Variants in GNAL observed in about 807,000 individuals in gnomAD.
GNAL encodes the protein G protein subunit alpha L.
In GNAL, 18 loss-of-function variants were observed where a neutral mutation model predicts 55.1. That is an observed-to-expected ratio of 0.33 (90% confidence interval 0.23 to 0.48). The LOEUF (loss-of-function observed/expected upper bound fraction) is 0.48. Among genes scored for constraint, GNAL ranks in the 20% least tolerant of loss-of-function variants. The pLI is 0.99. For synonymous variants in GNAL, 253 were observed against 237.0 expected (o/e 1.07, Z -0.62); for missense variants, 412 against 614.1 (o/e 0.67, Z 3.48).
chr18:11,788,926 T>TAC (rs2034150006), intron 4 of GNAL, among the ~76,000 whole-genome samples: 7 of 122,262 alleles, frequency 5.7e-5, no homozygotes, highest in Non-Finnish European at 9.9e-5. Flanking sequence ...TATATATATA[T>TAC]ATATATATAT....
chr18:11,802,286 A>G (rs1427846483), intron 4 of GNAL, among the ~76,000 whole-genome samples: 1 of 152,116 alleles, frequency 6.6e-6, no homozygotes, highest in Non-Finnish European at 1.5e-5. Context: ...GGAGTTCCTC[A>G]AGTCATGGAC....
At chr18:11,773,938 C>G (rs1371084147) in intron 4 of GNAL, among the ~76,000 whole-genome samples, 1 of 152,146 alleles carries the variant, frequency 6.6e-6, no homozygotes, top group Admixed American at 6.5e-5. Context: ...GTCTATGTAA[C>G]CTTGGTTGAG....
chr18:11,858,119 T>C (rs2036051294), intron 5 of GNAL, among the ~76,000 whole-genome samples: 1 of 152,196 alleles, frequency 6.6e-6, no homozygotes, highest in African/African-American at 2.4e-5. Flanking sequence ...TCCATGGCCA[T>C]AAGAATTCTT....
chr18:11,727,806 C>T (rs186794666), intron 1 of GNAL, among the ~76,000 whole-genome samples: 3 of 152,268 alleles, frequency 2.0e-5, no homozygotes, highest in East Asian at 3.9e-4. Context: ...AATTTTCATT[C>T]GTTTACAGAA....
At position 11,851,464 on chromosome 18, in the gene GNAL, T is replaced by G; in HGVS notation, c.723-10931T>G. ...CGGACTTACCTTACCTTCTCTGCCT[T>G]CGGCGCGCTTCTCAGCCGGGCCGCC... On this transcript the variant is annotated intron_variant, in intron 5 of 11. Coordinates refer to ENST00000334049, the MANE Select transcript of GNAL (RefSeq NM_182978.4). 6 of 1,482,120 alleles carry G rather than the reference T, an allele frequency of 4.0e-6. No individual in the cohort carries two copies. The South Asian group carries it at 7.0e-5, about 17-fold the overall frequency. The allele number at this position is 1,482,120 out of a possible 1,614,324, so 91.8% of individuals were successfully genotyped here.
chr18:11,801,288 C>T lies in GNAL; in HGVS notation c.625-23630C>T, dbSNP rs71350465. Reference sequence around the variant, plus strand: ...AGTGTGGGCTGGGCGCAGTGGCTCACGCCTGAAATAACAGCACTTTGGGAG... The same window carrying T: ...AGTGTGGGCTGGGCGCAGTGGCTCATGCCTGAAATAACAGCACTTTGGGAG... On this transcript the variant is annotated intron_variant, in intron 4 of 11. Coordinates refer to ENST00000334049, the MANE Select transcript of GNAL (RefSeq NM_182978.4). Among the ~76,000 whole-genome samples the T allele has an allele frequency of 7.4e-3, 1,134 of 152,276 alleles. 10 individuals are homozygous for T. Among genetic ancestry groups the T allele is most frequent in the Non-Finnish European group, 0.013 (870 of 68,026 alleles).
At chr18:11,769,015 C>A (rs1320684207) in intron 4 of GNAL, among the ~76,000 whole-genome samples, 15 of 77,506 alleles carry the variant, frequency 1.9e-4, no homozygotes, top group Admixed American at 6.5e-4. Flanking sequence ...TATATATATT[C>A]TATATTATAA....
intron 1 of GNAL, among the ~76,000 whole-genome samples, chr18:11,699,275 A>T (rs1413206477): frequency 6.6e-6 from 1 of 152,046 alleles, no homozygotes; most frequent in Non-Finnish European, 1.5e-5. Flanking sequence ...GCTCACTGCA[A>T]CTTCCACCTC....
chr18:11,724,754 C>A (rs1308015173), intron 1 of GNAL, among the ~76,000 whole-genome samples: 1 of 152,180 alleles, frequency 6.6e-6, no homozygotes, highest in East Asian at 1.9e-4. Context: ...TAGTGTCAAC[C>A]CCCAGCACAG....
intron 4 of GNAL, among the ~76,000 whole-genome samples, chr18:11,772,218 A>G (rs1281128108): frequency 6.6e-6 from 1 of 152,256 alleles, no homozygotes; most frequent in Non-Finnish European, 1.5e-5. Context: ...AGGACAGATA[A>G]TAGAAAAGAG....
rs557930280 is a variant in GNAL at position 11,873,070 on chromosome 18, G to A, written c.1162+672G>A. Among the ~76,000 whole-genome samples the A allele has an allele frequency of 5.9e-5, 9 of 152,310 alleles. No homozygotes were observed. The South Asian group carries it at 6.2e-4, about 11-fold the overall frequency. On this transcript the variant is annotated intron_variant, in intron 10 of 11. Coordinates refer to ENST00000334049, the MANE Select transcript of GNAL (RefSeq NM_182978.4). ...TAGACCAGGAAGAGTTGGTCACTCC[G>A]TTTCCAGTCGCTTACACTTCAGTTT...
chr18:11,752,672 G>T lies in GNAL; in HGVS notation c.377-181G>T. The stretch of plus-strand genomic sequence containing the variant: ...GGCTGGGCGGGCAGGGCCGGGCGAG[G>T]GTCGCGCGCACCTCTGGGCCGCGGA... On this transcript the variant is annotated intron_variant, in intron 1 of 11. Coordinates refer to ENST00000334049, the MANE Select transcript of GNAL (RefSeq NM_182978.4). This position sits in a 1 kb window ranked among gnomAD's most constrained non-coding sequence, Gnocchi z 4.5. 1 of 1,301,512 alleles carries T rather than the reference G, an allele frequency of 7.7e-7. No homozygotes were observed. Among genetic ancestry groups the T allele is most frequent in the South Asian group, 1.8e-5 (1 of 54,816 alleles). The allele number at this position is 1,301,512 out of a possible 1,614,324, so 80.6% of individuals were successfully genotyped here. A position where few individuals can be genotyped will look rare whatever the true frequency, so the allele number is the denominator to read the frequency against.
chr18:11,828,161 G>T (rs2143669434), intron 5 of GNAL, among the ~76,000 whole-genome samples: 1 of 152,274 alleles, frequency 6.6e-6, no homozygotes, highest in African/African-American at 2.4e-5. Flanking sequence ...TGGGAGGCTT[G>T]CAGGTGCTGA....
At chr18:11,714,906 C>G (rs1460382356) in intron 1 of GNAL, among the ~76,000 whole-genome samples, 1 of 152,112 alleles carries the variant, frequency 6.6e-6, no homozygotes, top group Admixed American at 6.5e-5. Context: ...CTTTGGGAGG[C>G]CAAAGCAGGT....
intron 6 of GNAL, 142 bp downstream of exon 6, chr18:11,862,591 G>A: frequency 1.5e-6 from 1 of 671,102 alleles, no homozygotes. Flanking sequence ...TGCCCTGTGT[G>A]TGTGCGTGGA....
intron 1 of GNAL, among the ~76,000 whole-genome samples, chr18:11,721,555 A>G (rs954067692): frequency 6.6e-6 from 1 of 152,000 alleles, no homozygotes; most frequent in Non-Finnish European, 1.5e-5. Context: ...CAGCAGTTCC[A>G]GACCAGACTC....
chr18:11,771,513 A>G (rs921255888), intron 4 of GNAL, among the ~76,000 whole-genome samples: 2 of 152,168 alleles, frequency 1.3e-5, no homozygotes, highest in African/African-American at 4.8e-5. Context: ...GAATTCTCAC[A>G]GGGCTCACAG....
chr18:11,838,568 AC>A (rs921082809), intron 5 of GNAL, among the ~76,000 whole-genome samples: 13 of 152,330 alleles, frequency 8.5e-5, no homozygotes, highest in Middle Eastern at 3.4e-3. Context: ...TGAGAGCTTT[AC>A]TTGGACACTT....
intron 7 of GNAL, 35 bp downstream of exon 7, chr18:11,864,641 C>G (rs2036219550): frequency 9.1e-7 from 1 of 1,100,846 alleles, no homozygotes. Context: ...TGGCCCAGGG[C>G]CACATGATGT....
Sources: allele counts gnomAD v4.1 joint callset (sites outside exome capture counted in the v4.1 genomes callset), GRCh38; gene constraint gnomAD v4.1.1; non-coding constraint Gnocchi (gnomAD v3.1); transcripts MANE v1.5; gene names NCBI Gene and HGNC (gene_info 2026-07-23, HGNC 2026-07-21).